The following LTBP3 variants were observed in gnomAD, a reference collection of about 807,000 sequenced individuals.
LTBP3 encodes latent-transforming growth factor beta-binding protein 3.
In LTBP3, 97 loss-of-function variants were observed where a neutral mutation model predicts 159.7. The ratio of observed to expected loss-of-function variants is 0.61; its 90% CI spans 0.52 to 0.72. LTBP3 has a LOEUF of 0.72. Among genes scored for constraint, LTBP3 ranks in the 30% least tolerant of loss-of-function variants. The probability of loss-of-function intolerance (pLI) is 0.00; values close to 1 mark genes in which losing one functional copy is unlikely to be tolerated. For synonymous variants in LTBP3, 824 were observed against 777.1 expected, an observed-to-expected ratio of 1.06 and a Z score of -1.00; for missense variants, 1,584 against 1,864.3, an observed-to-expected ratio of 0.85 and a Z score of 2.77.
In LTBP3 at chr11:65,539,151, G is replaced by C. The variant is rs766976554; in HGVS notation, c.3841C>G (p.Arg1281Gly). The C allele has an allele frequency of 1.2e-4, 187 of 1,496,648 alleles. No individual in the cohort carries two copies. The highest frequency in any genetic ancestry group is 1.3e-4 in the Non-Finnish European group (140 of 1,118,780). The allele number at this position is 1,496,648 out of a possible 1,614,324, so 92.7% of individuals were successfully genotyped here. A position where few individuals can be genotyped will look rare whatever the true frequency, so the allele number is the denominator to read the frequency against. The change falls in exon 28 of 28, where the codon CGC becomes GGC. Residue 1281 changes from arginine (R) to glycine (G), a missense_variant. Physicochemically the swap from Arg to Gly is moderately radical, Grantham distance 125. Transcript: ENST00000301873. ...ERCVNTSGSFRCVCKAGFARS... is the reference protein window; with the variant it reads ...ERCVNTSGSFGCVCKAGFARS... ...GCGAAGCCGGCTTTGCAGACGCAGC[G>C]GAAGGAGCCGCTGGTGTTCACGCAG...
At chr11:65,549,015 G>A (rs1242160539) in intron 11 of LTBP3, 1 of 152,212 alleles carries the variant, frequency 6.6e-6, no homozygotes, top group Non-Finnish European at 1.5e-5. Flanking sequence ...GTGTGACCTG[G>A]GGCAGGTTAC....
chr11:65,550,949 C>A (rs945463220), intron 11 of LTBP3, among the ~76,000 whole-genome samples, 177 bp downstream of exon 11: 1 of 152,268 alleles, frequency 6.6e-6, no homozygotes, highest in Non-Finnish European at 1.5e-5. Flanking sequence ...AACCACCATG[C>A]TACCTGGATC....
Position 65,554,738 on chromosome 11 carries a change from T to C in LTBP3, c.332-358A>G, listed in dbSNP as rs969005040. Among the ~76,000 whole-genome samples the C allele has an allele frequency of 1.3e-5, 2 of 152,016 alleles. No individual in the cohort carries two copies. Among genetic ancestry groups the C allele is most frequent in the Non-Finnish European group, 2.9e-5 (2 of 67,998 alleles). On this transcript the variant is annotated intron_variant, in intron 1 of 27. Coordinates refer to ENST00000301873, the MANE Select transcript of LTBP3 (RefSeq NM_001130144.3). The surrounding 1 kb of genome is among the most constrained non-coding windows in gnomAD (Gnocchi z 5.3). ...TGGTACACAAAGGGTGCTTAATAAG[T>C]GGTAGCAAATAATTATGGTGATCTG...
At position 65,539,734 on chromosome 11, in the gene LTBP3, G is replaced by A; in HGVS notation, c.3533C>T (p.Pro1178Leu). ...GACTGCCTTACCCGCGCCGCGCGGC[G>A]GGCACGGTCGGCATTGGGCGCCCCA... ...RGWGAQCRPC[P>L]PRGAGSHCPT... Residue 1178 changes from proline to leucine, a missense_variant, in exon 25 of 28, where the codon CCG (proline) becomes CTG (leucine). Pro to Leu is a moderately conservative substitution (Grantham distance 98). Transcript: ENST00000301873. The A allele has an allele frequency of 1.3e-6, 2 of 1,546,290 alleles. No individual in the cohort carries two copies. The highest frequency in any genetic ancestry group is 1.7e-6 in the Non-Finnish European group (2 of 1,152,678).
intron 18 of LTBP3, among the ~76,000 whole-genome samples, chr11:65,542,235 C>A (rs1286212330): frequency 1.3e-5 from 2 of 152,134 alleles, no homozygotes; most frequent in Admixed American, 1.3e-4. Context: ...TGCAATTAAT[C>A]ATTAGTCTAT....
Position 65,539,731 on chromosome 11 carries a change from G to A in LTBP3, c.3536C>T (p.Pro1179Leu). 1.9e-6 allele frequency: 3 copies of A among 1,547,270 alleles called. No individual in the cohort carries two copies. The highest frequency in any genetic ancestry group is 2.6e-6 in the Non-Finnish European group (3 of 1,153,112). ...CCCGACTGCCTTACCCGCGCCGCGCGGCGGGCACGGTCGGCATTGGGCGCC... is the reference window on the plus strand; with the variant it reads ...CCCGACTGCCTTACCCGCGCCGCGCAGCGGGCACGGTCGGCATTGGGCGCC... ...GWGAQCRPCPPRGAGSHCPTS... is the reference protein window; with the variant it reads ...GWGAQCRPCPLRGAGSHCPTS... The change falls in exon 25 of 28, where the codon CCG (proline) becomes CTG (leucine). Residue 1179 changes from proline (P) to leucine (L), a missense_variant. By Grantham distance (98) the Pro-to-Leu change is moderately conservative (BLOSUM62 -3). Coordinates refer to ENST00000301873, the MANE Select transcript of LTBP3 (RefSeq NM_001130144.3).
rs181475015 is a variant in LTBP3 at position 65,555,066 on chromosome 11, C to A, written c.332-686G>T. Reference sequence around the variant, plus strand: ...GGCCACCAGGCATCCACAGCTGAGCCCCGACGGCTCCGTCCCTCCTGCTCT... The same window carrying A: ...GGCCACCAGGCATCCACAGCTGAGCACCGACGGCTCCGTCCCTCCTGCTCT... On this transcript the variant is annotated intron_variant, in intron 1 of 27. Coordinates refer to ENST00000301873, the MANE Select transcript of LTBP3 (RefSeq NM_001130144.3). Among the ~76,000 whole-genome samples, 36 of 152,100 alleles carry A rather than the reference C, an allele frequency of 2.4e-4. No individual in the cohort carries two copies. In the South Asian group the frequency reaches 7.3e-3, roughly 31 times the overall value.
chr11:65,543,259 G>A (rs748502358), intron 17 of LTBP3, 35 bp from the exon 18 acceptor site: 2 of 1,613,612 alleles, frequency 1.2e-6, no homozygotes, highest in African/African-American at 1.3e-5. Context: ...AATCTCAGGG[G>A]CTGATCACCA....
In LTBP3 at chr11:65,546,286, C is replaced by T; in HGVS notation, c.2353+156G>A. The T allele has an allele frequency of 2.0e-6, 2 of 997,822 alleles. No individual in the cohort carries two copies. Among genetic ancestry groups the T allele is most frequent in the Non-Finnish European group, 2.8e-6 (2 of 711,240 alleles). The allele number at this position is 997,822 out of a possible 1,614,324, so 61.8% of individuals were successfully genotyped here. A position where few individuals can be genotyped will look rare whatever the true frequency, so the allele number is the denominator to read the frequency against. Reference sequence around the variant, plus strand: ...TCCTACGTGGAAATTCTAGTGGTGCCTTCCTTGGCAAAGTTCGTTGAGAAA... The same window carrying T: ...TCCTACGTGGAAATTCTAGTGGTGCTTTCCTTGGCAAAGTTCGTTGAGAAA... On this transcript the variant is annotated intron_variant, in intron 16 of 27. Coordinates refer to ENST00000301873, the MANE Select transcript of LTBP3 (RefSeq NM_001130144.3). The surrounding 1 kb of genome is among the most constrained non-coding windows in gnomAD (Gnocchi z 4.0).
chr11:65,550,097 G>A (rs1465164522), intron 11 of LTBP3, among the ~76,000 whole-genome samples: 1 of 151,956 alleles, frequency 6.6e-6, no homozygotes, highest in African/African-American at 2.4e-5. Flanking sequence ...AATCTCCTAT[G>A]TCTTATAAAT....
Position 65,547,860 on chromosome 11 carries a change from C to A in LTBP3, c.1847-39G>T, listed in dbSNP as rs150482019. 1.2e-6 allele frequency: 2 copies of A among 1,613,172 alleles called. No homozygotes were observed. The highest frequency in any genetic ancestry group is 1.7e-6 in the Non-Finnish European group (2 of 1,179,942). On this transcript the variant is annotated intron_variant, in intron 12 of 27. Transcript: ENST00000301873. This position sits in a 1 kb window ranked among gnomAD's most constrained non-coding sequence, Gnocchi z 4.6. ...GTAGGCCAAGAAAAGTCAAAGGAAGCGTCGTTATCTGGGGTCCCCCCCCAC... is the reference window on the plus strand; with the variant it reads ...GTAGGCCAAGAAAAGTCAAAGGAAGAGTCGTTATCTGGGGTCCCCCCCCAC...
chr11:65,543,263 A>G, intron 17 of LTBP3, 39 bp from the exon 18 acceptor site: 1 of 1,613,634 alleles, frequency 6.2e-7, no homozygotes, highest in Non-Finnish European at 8.5e-7. Context: ...TCAGGGGCTG[A>G]TCACCAACCC....
Position 65,547,434 on chromosome 11 carries a change from C to T in LTBP3, c.2107+5G>A. On this transcript the variant is annotated splice_donor_5th_base_variant and intron_variant, in intron 14 of 27. Coordinates refer to ENST00000301873, the MANE Select transcript of LTBP3 (RefSeq NM_001130144.3). This position sits in a 1 kb window ranked among gnomAD's most constrained non-coding sequence, Gnocchi z 4.6. ...CCTTCTTTGGTCTGAATGGGGTCCC[C>T]TCACCTTCGCACACAGGAGGCCGGG... is the stretch of plus-strand genomic sequence containing the variant. 1.9e-6 allele frequency: 3 copies of T among 1,613,284 alleles called. No homozygotes were observed. Among genetic ancestry groups the T allele is most frequent in the Non-Finnish European group, 2.5e-6 (3 of 1,179,956 alleles).
At chr11:65,543,835 C>T in intron 16 of LTBP3, 1 of 486,836 alleles carries the variant, frequency 2.1e-6, no homozygotes, top group Admixed American at 3.3e-5. Flanking sequence ...CCCTCACCTG[C>T]CATGGCTCCC....
intron 8 of LTBP3, 33 bp downstream of exon 8, chr11:65,551,939 A>G (rs1359671958): frequency 4.3e-6 from 7 of 1,610,302 alleles, no homozygotes; most frequent in Non-Finnish European, 5.1e-6. Context: ...GGGGCTTGGC[A>G]TGGGTCAGGG....
At position 65,539,063 on chromosome 11, in the gene LTBP3, GGGCGGCGTC is replaced by G. The variant is rs539110133; in HGVS notation, c.*8_*16del. The G allele has an allele frequency of 5.5e-4, 752 of 1,364,696 alleles. 5 individuals carry two copies. The highest frequency in any genetic ancestry group is 6.4e-4 in the Non-Finnish European group (683 of 1,060,958). 84.5% of individuals were successfully genotyped at this position (1,364,696 alleles called of 1,614,324 possible). A position where few individuals can be genotyped will look rare whatever the true frequency, so the allele number is the denominator to read the frequency against. On this transcript the variant is annotated 3_prime_UTR_variant, in exon 28 of 28. Coordinates refer to ENST00000301873, the MANE Select transcript of LTBP3 (RefSeq NM_001130144.3). Reference sequence around the variant, plus strand: ...CAGTGATCACCGAGGTCTGGGCCGAGGGCGGCGTCGGCGGCGTCAGCGGCGGCGCTGGGG... The same window carrying G: ...CAGTGATCACCGAGGTCTGGGCCGAGGGCGGCGTCAGCGGCGGCGCTGGGG...
At position 65,546,973 on chromosome 11, in the gene LTBP3, C is replaced by T. The variant is rs1856400454; in HGVS notation, c.2108-53G>A. The T allele has an allele frequency of 6.2e-7, 1 of 1,602,322 alleles. No homozygotes were observed. Among genetic ancestry groups the T allele is most frequent in the Non-Finnish European group, 8.5e-7 (1 of 1,178,816 alleles). On this transcript the variant is annotated intron_variant, in intron 14 of 27. Transcript: ENST00000301873. The surrounding 1 kb of genome is among the most constrained non-coding windows in gnomAD (Gnocchi z 4.0). ...CCATCTGGGGACAACGCGGGTGGCCCGGCTCCCAGCGTCCACAGCAGGGAC... is the reference window on the plus strand; with the variant it reads ...CCATCTGGGGACAACGCGGGTGGCCTGGCTCCCAGCGTCCACAGCAGGGAC...
chr11:65,548,614 A>G, intron 11 of LTBP3: 1 of 165,614 alleles, frequency 6.0e-6, no homozygotes, highest in Non-Finnish European at 1.3e-5. Context: ...CACCCCCCTC[A>G]CTCTCTTTGT....
At chr11:65,551,602 C>T (rs940245002) in intron 8 of LTBP3, 38 bp from the exon 9 acceptor site, 31 of 1,613,524 alleles carry the variant, frequency 1.9e-5, no homozygotes, top group Admixed American at 5.0e-5. Flanking sequence ...AGTGTTGGGG[C>T]GGGAGAAGGG....
Sources: gnomAD v4.1 joint callset for allele counts (sites outside exome capture counted in the v4.1 genomes callset) on GRCh38, gnomAD v4.1.1 for gene constraint, Gnocchi (gnomAD v3.1) non-coding constraint, MANE v1.5 for transcripts, NCBI Gene and HGNC (gene_info 2026-07-23, HGNC 2026-07-21) for gene names.